The following FBXO4 variants were observed in gnomAD, a reference collection of about 807,000 sequenced individuals.
The protein encoded by FBXO4 is F-box only protein 4.
Under a neutral mutation model 43.7 loss-of-function variants are expected in FBXO4, and 36 were observed. The observed-to-expected ratio is 0.82, with a 90% CI of 0.63 to 1.09. FBXO4 has a LOEUF of 1.09. FBXO4 is among the 50% of genes least tolerant of loss of function. The pLI, the probability that FBXO4 is intolerant of heterozygous loss-of-function variation, is 0.00. For missense variants in FBXO4, 435 were observed against 474.1 expected (o/e 0.92, Z 0.77); for synonymous variants, 180 against 165.6 (o/e 1.09, Z -0.67).
At chr5:41,982,056 A>C in the FBXO4 span, among the ~76,000 whole-genome samples, 1 of 152,068 alleles carries the variant, frequency 6.6e-6, no homozygotes, top group Admixed American at 6.6e-5. Flanking sequence ...AGCTTCATCC[A>C]TGTCCCTACA....
At position 41,929,800 on chromosome 5, in the gene FBXO4, C is replaced by G; in HGVS notation, c.529C>G (p.Pro177Ala). The G allele has an allele frequency of 6.2e-7, 1 of 1,614,092 alleles. No homozygotes were observed. Among genetic ancestry groups the G allele is most frequent in the South Asian group, 1.1e-5 (1 of 91,070 alleles). ...FLHSLIIQNE[P>A]RFAMFGPGLE... Reference sequence around the variant, plus strand: ...ACACTCCCTGATCATTCAGAATGAACCACGATTTGCTATGTTTGGACCAGG... The same window carrying G: ...ACACTCCCTGATCATTCAGAATGAAGCACGATTTGCTATGTTTGGACCAGG... The change falls in exon 3 of 7, where the codon CCA (proline) becomes GCA (alanine). Residue 177 changes from proline (P) to alanine (A), a missense_variant. By Grantham distance (27) the Pro-to-Ala change is conservative. Transcript: ENST00000281623.
chr5:42,021,661 T>C, the FBXO4 span, among the ~76,000 whole-genome samples: 1 of 152,176 alleles, frequency 6.6e-6, no homozygotes, highest in Non-Finnish European at 1.5e-5. Flanking sequence ...ATTTAGGTGA[T>C]GATTACCAGA....
the FBXO4 span, among the ~76,000 whole-genome samples, chr5:42,017,958 C>T: frequency 1.8e-4 from 28 of 151,928 alleles, no homozygotes; most frequent in East Asian, 5.4e-3. Flanking sequence ...GATATATACT[C>T]AGTAATTAGA....
chr5:42,005,756 A>C, the FBXO4 span, among the ~76,000 whole-genome samples: 2 of 152,054 alleles, frequency 1.3e-5, no homozygotes, highest in East Asian at 3.8e-4. Context: ...GCAACTGAGA[A>C]TTTTTAACCA....
chr5:42,039,987 G>T, the FBXO4 span, among the ~76,000 whole-genome samples: 1 of 152,098 alleles, frequency 6.6e-6, no homozygotes, highest in South Asian at 2.1e-4. Flanking sequence ...CTTGGAAGAG[G>T]AAACTGAGCC....
chr5:42,032,505 G>T, the FBXO4 span, among the ~76,000 whole-genome samples: 3 of 152,074 alleles, frequency 2.0e-5, no homozygotes, highest in African/African-American at 7.2e-5. Context: ...TTACCTCTTA[G>T]CCCCCACCAC....
the FBXO4 span, among the ~76,000 whole-genome samples, chr5:42,002,546 T>A: frequency 6.6e-6 from 1 of 152,334 alleles, no homozygotes; most frequent in African/African-American, 2.4e-5. Flanking sequence ...CCTAATATAA[T>A]TTTCTGTGCA....
chr5:41,967,619 G>A, the FBXO4 span: 1 of 1,067,402 alleles, frequency 9.4e-7, no homozygotes, highest in Non-Finnish European at 1.4e-6. Flanking sequence ...CTTCCCTAGG[G>A]TTGGAATGCC....
chr5:41,999,522 T>TAC, the FBXO4 span, among the ~76,000 whole-genome samples: 362 of 110,108 alleles, frequency 3.3e-3, 4 homozygotes, highest in East Asian at 0.017. Flanking sequence ...TATATATATA[T>TAC]ACATATATAT....
chr5:41,986,589 A>G, the FBXO4 span, among the ~76,000 whole-genome samples: 2 of 152,324 alleles, frequency 1.3e-5, no homozygotes, highest in Non-Finnish European at 1.5e-5. Flanking sequence ...TACTAAACAC[A>G]GAGGGCACTT....
the FBXO4 span, among the ~76,000 whole-genome samples, chr5:41,971,265 G>T: frequency 6.6e-6 from 1 of 151,014 alleles, no homozygotes; most frequent in Non-Finnish European, 1.5e-5. Flanking sequence ...GACCTGGAAA[G>T]GTAAACATTA....
At chr5:41,934,513 C>A in intron 5 of FBXO4, 1 of 1,389,106 alleles carries the variant, frequency 7.2e-7, no homozygotes, top group Non-Finnish European at 9.4e-7. Context: ...TGTTAACAAG[C>A]TGATTCCTAC....
the FBXO4 span, among the ~76,000 whole-genome samples, chr5:41,980,581 T>G: frequency 6.6e-6 from 1 of 152,072 alleles, no homozygotes; most frequent in Admixed American, 6.6e-5. Flanking sequence ...GGATTGTGAT[T>G]CCAAAACATT....
chr5:41,966,377 A>G, the FBXO4 span, among the ~76,000 whole-genome samples: 1 of 152,318 alleles, frequency 6.6e-6, no homozygotes, highest in East Asian at 1.9e-4. Flanking sequence ...ACAACACAAA[A>G]CTTTAACAAT....
At position 41,934,225 on chromosome 5, in the gene FBXO4, G is replaced by A. The variant is rs149729841; in HGVS notation, c.815G>A (p.Arg272Gln). The change falls in exon 5 of 7, where the codon CGG becomes CAG. Residue 272 changes from arginine (R) to glutamine (Q), a missense_variant. By Grantham distance (43) the Arg-to-Gln change is conservative (BLOSUM62 1). Transcript: ENST00000281623. ...GAAGGTGATGATCAACAAGGAAGCCGGTACAGTGTGATTCCACAGATTCAA... is the reference window on the plus strand; with the variant it reads ...GAAGGTGATGATCAACAAGGAAGCCAGTACAGTGTGATTCCACAGATTCAA... ...HNEGDDQQGS[R>Q]YSVIPQIQKV... 17 of 1,613,966 alleles carry A rather than the reference G, an allele frequency of 1.1e-5. No homozygotes were observed. The highest frequency in any genetic ancestry group is 9.3e-5 in the African/African-American group (7 of 74,912).
chr5:42,014,318 GT>G, the FBXO4 span, among the ~76,000 whole-genome samples: 1 of 152,108 alleles, frequency 6.6e-6, no homozygotes, highest in African/African-American at 2.4e-5. Flanking sequence ...AATGAGAACC[GT>G]TTTCAGGAAT....
the FBXO4 span, chr5:41,967,693 T>A: frequency 1.6e-6 from 1 of 638,788 alleles, no homozygotes; most frequent in South Asian, 1.5e-5. Flanking sequence ...CTGGTCCAGA[T>A]ACATTCACCC....
intron 2 of FBXO4, among the ~76,000 whole-genome samples, chr5:41,929,049 A>C (rs1425016973): frequency 6.6e-6 from 1 of 152,206 alleles, no homozygotes; most frequent in Non-Finnish European, 1.5e-5. Flanking sequence ...TATTAATAGA[A>C]GTACCCAAGA....
chr5:42,029,841 A>G, the FBXO4 span, among the ~76,000 whole-genome samples: 4 of 152,082 alleles, frequency 2.6e-5, no homozygotes, highest in East Asian at 5.8e-4. Flanking sequence ...AATTTATCCA[A>G]TAGAATTCTG....
Sources: gnomAD v4.1 joint callset for allele counts (sites outside exome capture counted in the v4.1 genomes callset) on GRCh38, gnomAD v4.1.1 for gene constraint, MANE v1.5 for transcripts, NCBI Gene and HGNC (gene_info 2026-07-23, HGNC 2026-07-21) for gene names.